Variants in CCNH observed in about 807,000 individuals in gnomAD.
CCNH encodes the protein cyclin-H.
In CCNH, 31 loss-of-function variants were observed where a neutral mutation model predicts 41.9. The ratio of observed to expected loss-of-function variants is 0.74; its 90% CI spans 0.56 to 1.00. The LOEUF is 1.00. Ranked by LOEUF, CCNH falls within the 50% of genes least tolerant of loss-of-function variation. The pLI is 0.00. For synonymous variants in CCNH, 138 were observed against 136.1 expected, an observed-to-expected ratio of 1.01 and a Z score of -0.10; for missense variants, 362 against 388.4, an observed-to-expected ratio of 0.93 and a Z score of 0.57.
Position 87,338,534 on chromosome 5 carries a change from A to AT in CCNH, c.*91-19638_*91-19637insA, listed in dbSNP as rs1561292504. ...ATATATATATATATATATATATATA[A>AT]AATTTTTTTTTTTTTTAAGTAGAAA... On this transcript the variant is annotated intron_variant and NMD_transcript_variant, in intron 9 of 9. Coordinates refer to the CCNH transcript ENST00000645953. 1.5e-3 allele frequency among the ~76,000 whole-genome samples: 68 copies of AT among 46,108 alleles called. 4 individuals are homozygous for AT. Among genetic ancestry groups the AT allele is most frequent in the Middle Eastern group, 0.014 (1 of 74 alleles). The allele number at this position is 46,108 out of a possible 152,430, so 30.2% of individuals were successfully genotyped here.
chr5:87,327,204 C>A (rs923887342), intron 9 of CCNH, among the ~76,000 whole-genome samples: 1 of 152,120 alleles, frequency 6.6e-6, no homozygotes, highest in Non-Finnish European at 1.5e-5. Context: ...CTATTATATT[C>A]CTTTTATAGA....
downstream of CCNH, among the ~76,000 whole-genome samples, chr5:87,388,028 T>C (rs963404819): frequency 3.9e-5 from 6 of 152,188 alleles, no homozygotes; most frequent in Non-Finnish European, 8.8e-5. Context: ...CCACCTCAAT[T>C]ATTATCTCCT....
chr5:87,378,208 G>C (rs1761452769), upstream of CCNH, among the ~76,000 whole-genome samples: 1 of 152,148 alleles, frequency 6.6e-6, no homozygotes, highest in African/African-American at 2.4e-5. Context: ...TAATACATAT[G>C]AAAGTCTTAC....
At chr5:87,391,228 T>C (rs1762491649), downstream of CCNH, 3 of 431,650 alleles carry the variant, frequency 7.0e-6, no homozygotes, top group South Asian at 7.9e-5. Context: ...TGCCAAAGTT[T>C]TGCTGTCTCT....
intron 7 of CCNH, 108 bp from the exon 8 acceptor site, chr5:87,395,212 C>G (rs932441000): frequency 4.9e-6 from 4 of 820,536 alleles, no homozygotes; most frequent in Admixed American, 2.5e-5. Context: ...TACTGAACAA[C>G]AAGGCCAGGA....
intron 9 of CCNH, among the ~76,000 whole-genome samples, chr5:87,359,818 A>C (rs1269691106): frequency 6.6e-6 from 1 of 152,226 alleles, no homozygotes; most frequent in Non-Finnish European, 1.5e-5. Context: ...AAAATGTAGT[A>C]AGAATTTAAA....
chr5:87,324,528 G>A (rs556358750), intron 9 of CCNH, among the ~76,000 whole-genome samples: 1 of 152,206 alleles, frequency 6.6e-6, no homozygotes, highest in South Asian at 2.1e-4. Flanking sequence ...CTTTAGAAAT[G>A]CTCTCTCGAA....
At chr5:87,323,715 T>C (rs1275313734) in intron 9 of CCNH, among the ~76,000 whole-genome samples, 1 of 152,086 alleles carries the variant, frequency 6.6e-6, no homozygotes. Context: ...GATAAGTCAA[T>C]TCTTTTTTTT....
chr5:87,352,442 T>C (rs1027794150), intron 9 of CCNH, among the ~76,000 whole-genome samples: 1 of 151,702 alleles, frequency 6.6e-6, no homozygotes, highest in Non-Finnish European at 1.5e-5. Flanking sequence ...TTCCAAGATT[T>C]CCATATTCAG....
At chr5:87,385,523 TGTTTTTAAA>T in intron 9 of CCNH, 1 of 725,574 alleles carries the variant, frequency 1.4e-6, no homozygotes. Flanking sequence ...TTGGTATGTT[TGTTTTTAAA>T]GTAGCTTGTT....
chr5:87,408,705 A>G (rs1455855073), intron 3 of CCNH, among the ~76,000 whole-genome samples: 1 of 152,234 alleles, frequency 6.6e-6, no homozygotes, highest in Non-Finnish European at 1.5e-5. Flanking sequence ...GTTCAGTATG[A>G]GAAAACAGTA....
At chr5:87,371,806 T>C (rs753766284), downstream of CCNH, among the ~76,000 whole-genome samples, 5 of 152,116 alleles carry the variant, frequency 3.3e-5, no homozygotes, top group Admixed American at 6.6e-5. Context: ...TAGTATCTGT[T>C]TGGGAGAAAT....
At position 87,361,768 on chromosome 5, in the gene CCNH, G is replaced by A. The variant is rs1760111961; in HGVS notation, c.*90+31002C>T. 2.0e-5 allele frequency among the ~76,000 whole-genome samples: 3 copies of A among 152,086 alleles called. No individual in the cohort carries two copies. The South Asian group carries it at 6.2e-4, about 32-fold the overall frequency. On this transcript the variant is annotated intron_variant and NMD_transcript_variant, in intron 9 of 9. Coordinates refer to the CCNH transcript ENST00000645953. ...GGGCTTTTGAGAAAAGTGAGGTTAG[G>A]GGTGTTAACACTTAGAAATTTCATC...
At chr5:87,411,186 A>G in intron 2 of CCNH, 38 bp downstream of exon 2, 1 of 1,575,156 alleles carries the variant, frequency 6.3e-7, no homozygotes. Context: ...TCACAAGCCA[A>G]CTAAAGGACA....
downstream of CCNH, chr5:87,391,476 A>AAGGAAC (rs1055470977): frequency 3.3e-5 from 8 of 240,614 alleles, no homozygotes; most frequent in Non-Finnish European, 6.6e-5. Flanking sequence ...TGTTGAAAGA[A>AAGGAAC]AATATATAGA....
exon 1 of CCNH, chr5:87,376,647 CAT>C (rs1761346846): frequency 2.0e-6 from 3 of 1,463,676 alleles, no homozygotes; most frequent in East Asian, 2.4e-5. Flanking sequence ...TTAAGGTAAA[CAT>C]AGTAATTCAT....
chr5:87,317,922 C>T (rs1756468580), downstream of CCNH, among the ~76,000 whole-genome samples: 1 of 152,130 alleles, frequency 6.6e-6, no homozygotes, highest in Admixed American at 6.6e-5. Flanking sequence ...AGGCTTGAGC[C>T]ACCGCGCCCA....
chr5:87,394,291 A>T lies in CCNH; in HGVS notation c.*155T>A. 2 of 1,346,704 alleles carry T rather than the reference A, an allele frequency of 1.5e-6. No individual in the cohort carries two copies. Among genetic ancestry groups the T allele is most frequent in the South Asian group, 4.3e-5 (2 of 46,350 alleles). The allele number at this position is 1,346,704 out of a possible 1,614,324, so 83.4% of individuals were successfully genotyped here. A position where few individuals can be genotyped will look rare whatever the true frequency, so the allele number is the denominator to read the frequency against. On this transcript the variant is annotated 3_prime_UTR_variant, in exon 9 of 9. Coordinates refer to ENST00000256897, the MANE Select transcript of CCNH (RefSeq NM_001239.4). ...ATTCTAGCTCTTTTGAAGATGGTTTATTTTACATAAAGTTACTGTGAAAGG... is the reference window on the plus strand; with the variant it reads ...ATTCTAGCTCTTTTGAAGATGGTTTTTTTTACATAAAGTTACTGTGAAAGG...
intron 4 of CCNH, among the ~76,000 whole-genome samples, chr5:87,405,469 ACCT>A (rs1157408250): frequency 1.3e-5 from 2 of 152,254 alleles, no homozygotes; most frequent in East Asian, 3.9e-4. Context: ...GATGTGGAAG[ACCT>A]CCTATTTCCT....
Sources: allele counts gnomAD v4.1 joint callset (sites outside exome capture counted in the v4.1 genomes callset), GRCh38; gene constraint gnomAD v4.1.1; transcripts MANE v1.5; gene names NCBI Gene and HGNC (gene_info 2026-07-23, HGNC 2026-07-21).